Variants in AEBP2 observed in about 807,000 individuals in gnomAD.
AEBP2 encodes the protein AE binding protein 2, also known as zinc finger protein AEBP2.
A neutral mutation model predicts 50.8 loss-of-function variants in AEBP2; 10 were observed. That is an observed-to-expected ratio of 0.20 (90% CI 0.12 to 0.33). AEBP2 has a LOEUF of 0.33. Among genes scored for constraint, AEBP2 ranks in the 10% least tolerant of loss-of-function variants. The pLI is 1.00. For synonymous variants in AEBP2, 296 were observed against 261.3 expected, an observed-to-expected ratio of 1.13 and a Z score of -1.28; for missense variants, 570 against 688.0, an observed-to-expected ratio of 0.83 and a Z score of 1.92.
chr12:19,404,405 A>G (rs2095734963), intron 1 of AEBP2, among the ~76,000 whole-genome samples: 1 of 152,180 alleles, frequency 6.6e-6, no homozygotes, highest in Admixed American at 6.5e-5. Flanking sequence ...CATGGCGGCC[A>G]TCGCGCTTCC....
At chr12:19,507,783 C>A (rs1949172785) in intron 5 of AEBP2, among the ~76,000 whole-genome samples, 1 of 152,142 alleles carries the variant, frequency 6.6e-6, no homozygotes, top group Non-Finnish European at 1.5e-5. Flanking sequence ...AGTTCTATAA[C>A]TGGGAAGGTT....
At chr12:19,434,661 C>T (rs2095753284), upstream of AEBP2, among the ~76,000 whole-genome samples, 1 of 152,316 alleles carries the variant, frequency 6.6e-6, no homozygotes, top group South Asian at 2.1e-4. Flanking sequence ...CCTGATGCTG[C>T]CAAAAGAAAC....
intron 1 of AEBP2, 121 bp downstream of exon 1, chr12:19,440,491 C>T (rs1947934132): frequency 7.1e-7 from 1 of 1,411,704 alleles, no homozygotes; most frequent in Admixed American, 2.9e-5. Context: ...GGCCCCTCCC[C>T]CAGACTCTCA....
chr12:19,491,892 A>G (rs1052271760), intron 3 of AEBP2, among the ~76,000 whole-genome samples: 2 of 152,242 alleles, frequency 1.3e-5, no homozygotes, highest in African/African-American at 2.4e-5. Flanking sequence ...GACAGCCTCA[A>G]GGGAGAATTA....
chr12:19,404,458 A>G (rs2153362461), intron 1 of AEBP2, among the ~76,000 whole-genome samples: 1 of 152,320 alleles, frequency 6.6e-6, no homozygotes, highest in East Asian at 1.9e-4. Flanking sequence ...TTCACAGTGT[A>G]GGGTGCTACC....
chr12:19,434,932 G>A (rs1176870547), upstream of AEBP2, among the ~76,000 whole-genome samples: 2 of 152,060 alleles, frequency 1.3e-5, no homozygotes, highest in Non-Finnish European at 2.9e-5. Flanking sequence ...TAAAATATTC[G>A]TTTGTGGCTT....
chr12:19,501,793 G>GTTTTTTTTTTTTTTTTTTTTTTT (rs1204632203), intron 5 of AEBP2, among the ~76,000 whole-genome samples: 1 of 35,180 alleles, frequency 2.8e-5, no homozygotes, highest in African/African-American at 7.0e-5. Flanking sequence ...ATAAAAATGA[G>GTTTTTTTTTTTTTTTTTTTTTTT]TTTGTTTTTT....
chr12:19,440,672 C>T (rs1228406187), intron 1 of AEBP2: 5 of 1,532,958 alleles, frequency 3.3e-6, no homozygotes. Context: ...CCAAACGGGC[C>T]CAGATCCTCT....
Position 19,493,475 on chromosome 12 carries a change from C to A in AEBP2, c.988-325C>A, listed in dbSNP as rs144309987. 7.9e-5 allele frequency among the ~76,000 whole-genome samples: 12 copies of A among 152,276 alleles called. No homozygotes were observed. The East Asian group carries it at 2.3e-3, about 29-fold the overall frequency. Reference sequence around the variant, plus strand: ...TATTTGTTGCAAAAACAGCTTAGTGCTTCTGCTATAACAATGATTAATTCA... The same window carrying A: ...TATTTGTTGCAAAAACAGCTTAGTGATTCTGCTATAACAATGATTAATTCA... On this transcript the variant is annotated intron_variant, in intron 3 of 7. Transcript: ENST00000266508.
At chr12:19,461,996 C>T (rs1234173295) in intron 1 of AEBP2, among the ~76,000 whole-genome samples, 1 of 152,088 alleles carries the variant, frequency 6.6e-6, no homozygotes, top group African/African-American at 2.4e-5. Flanking sequence ...TGGGAAAATA[C>T]TGCAAAATTT....
At chr12:19,474,690 A>G (rs1344534898) in intron 3 of AEBP2, among the ~76,000 whole-genome samples, 2 of 152,052 alleles carry the variant, frequency 1.3e-5, no homozygotes, top group Non-Finnish European at 2.9e-5. Flanking sequence ...TACACAGATT[A>G]CTTGTTTTTC....
At chr12:19,509,546 T>C (rs1462581056) in intron 5 of AEBP2, among the ~76,000 whole-genome samples, 1 of 152,042 alleles carries the variant, frequency 6.6e-6, no homozygotes, top group Non-Finnish European at 1.5e-5. Flanking sequence ...AGGAGTTTGA[T>C]ACCAGCCTGG....
At chr12:19,477,977 G>A (rs1948674001) in intron 3 of AEBP2, among the ~76,000 whole-genome samples, 1 of 152,180 alleles carries the variant, frequency 6.6e-6, no homozygotes, top group Non-Finnish European at 1.5e-5. Context: ...GCATGTAAAG[G>A]TGTTCATAGT....
At chr12:19,437,543 A>AT (rs1450546602), upstream of AEBP2, among the ~76,000 whole-genome samples, 2 of 151,670 alleles carry the variant, frequency 1.3e-5, no homozygotes, top group African/African-American at 2.4e-5. Context: ...GGGTCTCGCT[A>AT]TTTTACCCAG....
At chr12:19,504,887 A>G (rs1949133997) in intron 5 of AEBP2, among the ~76,000 whole-genome samples, 1 of 152,222 alleles carries the variant, frequency 6.6e-6, no homozygotes, top group Non-Finnish European at 1.5e-5. Context: ...TTAGATAAGG[A>G]TATAAAGGAG....
intron 1 of AEBP2, 137 bp downstream of exon 1, chr12:19,440,507 G>A (rs1355780397): frequency 7.1e-7 from 1 of 1,399,214 alleles, no homozygotes; most frequent in Non-Finnish European, 9.3e-7. Context: ...TCTCAACTCG[G>A]AAATCTCTCG....
chr12:19,428,756 T>C (rs2153365020), intron 1 of AEBP2, among the ~76,000 whole-genome samples: 1 of 151,496 alleles, frequency 6.6e-6, no homozygotes, highest in African/African-American at 2.4e-5. Flanking sequence ...GAGGTTACAG[T>C]GAGCCGACAT....
intron 4 of AEBP2, 113 bp downstream of exon 4, chr12:19,494,099 A>G (rs922868699): frequency 4.2e-6 from 5 of 1,176,752 alleles, no homozygotes; most frequent in Non-Finnish European, 4.7e-6. Flanking sequence ...AGTAACAAAC[A>G]GGTAGGATGC....
chr12:19,448,007 A>G (rs888526179), intron 1 of AEBP2, among the ~76,000 whole-genome samples: 3 of 152,196 alleles, frequency 2.0e-5, no homozygotes, highest in African/African-American at 7.2e-5. Context: ...TATATCCAGG[A>G]TCTCAAGGAT....
Sources: allele counts gnomAD v4.1 joint callset (sites outside exome capture counted in the v4.1 genomes callset), GRCh38; gene constraint gnomAD v4.1.1; transcripts MANE v1.5; gene names NCBI Gene and HGNC (gene_info 2026-07-23, HGNC 2026-07-21).